Variants in PAX3 observed in about 807,000 individuals in gnomAD.
PAX3 encodes paired box protein Pax-3.
In PAX3, 14 loss-of-function variants were observed where a neutral mutation model predicts 51.6. That is an observed-to-expected ratio of 0.27 (90% confidence interval 0.18 to 0.42). The LOEUF is 0.42. PAX3 is among the 10% of genes least tolerant of loss of function. The pLI is 1.00. For missense variants in PAX3, 540 were observed against 642.8 expected (o/e 0.84, Z 1.73); for synonymous variants, 280 against 253.4 (o/e 1.11, Z -1.00).
intron 5 of PAX3, among the ~76,000 whole-genome samples, chr2:222,224,148 T>C (rs569107876): frequency 1.9e-4 from 29 of 152,342 alleles, no homozygotes; most frequent in East Asian, 1.9e-4. Flanking sequence ...ACAAAGACAT[T>C]GAGTAAACTC....
At chr2:222,257,869 G>A (rs1011125536) in intron 4 of PAX3, among the ~76,000 whole-genome samples, 2 of 152,146 alleles carry the variant, frequency 1.3e-5, no homozygotes, top group African/African-American at 2.4e-5. Context: ...GCATCGTCCC[G>A]GCTCAGGGAG....
intron 7 of PAX3, among the ~76,000 whole-genome samples, chr2:222,207,164 A>G (rs1175717868): frequency 6.6e-6 from 1 of 152,096 alleles, no homozygotes; most frequent in Admixed American, 6.6e-5. Context: ...TTTTTTGCCA[A>G]TGTGGGTGTT....
chr2:222,290,775 G>T (rs1695000774), intron 4 of PAX3, among the ~76,000 whole-genome samples: 1 of 152,150 alleles, frequency 6.6e-6, no homozygotes, highest in Non-Finnish European at 1.5e-5. Context: ...GCTGGAGGGG[G>T]AGAAGGAGGG....
At chr2:222,261,032 T>C (rs1023235102) in intron 4 of PAX3, among the ~76,000 whole-genome samples, 12 of 152,238 alleles carry the variant, frequency 7.9e-5, no homozygotes, top group African/African-American at 2.9e-4. Context: ...GTGAGTGCAG[T>C]CTCAATGGAG....
intron 7 of PAX3, among the ~76,000 whole-genome samples, chr2:222,219,912 C>A (rs577794175): frequency 1.3e-5 from 2 of 152,308 alleles, no homozygotes; most frequent in South Asian, 4.1e-4. Context: ...AACACAAAGT[C>A]TCCAAGATTA....
intron 4 of PAX3, among the ~76,000 whole-genome samples, chr2:222,254,052 G>A (rs188684030): frequency 9.3e-4 from 142 of 152,136 alleles, no homozygotes; most frequent in Middle Eastern, 3.4e-3. Context: ...GCAAAGCAGC[G>A]CACATAAAAA....
chr2:222,282,969 G>A (rs1694698847), intron 4 of PAX3, among the ~76,000 whole-genome samples: 2 of 152,180 alleles, frequency 1.3e-5, no homozygotes. Context: ...GTGCCCAAAG[G>A]CAAACACACT....
chr2:222,275,311 A>C (rs561108357), intron 4 of PAX3, among the ~76,000 whole-genome samples: 1 of 152,158 alleles, frequency 6.6e-6, no homozygotes, highest in Admixed American at 6.5e-5. Flanking sequence ...ATTTGCTTAC[A>C]TGTGTTTCCA....
intron 4 of PAX3, among the ~76,000 whole-genome samples, chr2:222,260,567 TTTTTTTTTTTG>T (rs1559292795): frequency 0.073 from 5,486 of 74,788 alleles, 246 homozygotes; most frequent in Non-Finnish European, 0.1. Context: ...TTTTTTTTGT[TTTTTTTTTTTG>T]TTTTTTTTTT....
At chr2:222,227,867 C>G (rs943286936) in intron 5 of PAX3, among the ~76,000 whole-genome samples, 1 of 152,020 alleles carries the variant, frequency 6.6e-6, no homozygotes, top group South Asian at 2.1e-4. Flanking sequence ...ATATAAAACA[C>G]TGACAGAGGC....
At chr2:222,279,162 T>C (rs1694540349) in intron 4 of PAX3, among the ~76,000 whole-genome samples, 1 of 152,152 alleles carries the variant, frequency 6.6e-6, no homozygotes, top group African/African-American at 2.4e-5. Context: ...CCGTGCTGGC[T>C]AGGCTGGTCT....
intron 4 of PAX3, among the ~76,000 whole-genome samples, chr2:222,277,102 C>T (rs749938798): frequency 3.9e-5 from 6 of 152,078 alleles, no homozygotes; most frequent in Non-Finnish European, 7.4e-5. Context: ...AGGGTAGATG[C>T]GGTTTTGTGG....
chr2:222,264,530 T>A (rs1693975146), intron 4 of PAX3: 2 of 152,244 alleles, frequency 1.3e-5, no homozygotes, highest in African/African-American at 4.8e-5. Context: ...TTTAAAACAG[T>A]TAATTTTGTG....
intron 4 of PAX3, among the ~76,000 whole-genome samples, chr2:222,254,101 G>GTT (rs61071392): frequency 3.0e-4 from 45 of 151,664 alleles, no homozygotes; most frequent in Admixed American, 7.9e-4. Flanking sequence ...CAAATGACAA[G>GTT]TTTTTTTTTA....
intron 4 of PAX3, among the ~76,000 whole-genome samples, chr2:222,238,218 G>A (rs13410020): frequency 0.11 from 16,973 of 152,166 alleles, 1,114 homozygotes; most frequent in Middle Eastern, 0.15. Flanking sequence ...TACCACCAGC[G>A]GGCTAACCAT....
chr2:222,246,750 C>G (rs1317374264), intron 4 of PAX3, among the ~76,000 whole-genome samples: 1 of 152,162 alleles, frequency 6.6e-6, no homozygotes, highest in East Asian at 1.9e-4. Context: ...AAATAAAACT[C>G]TTTCCTCCAG....
At chr2:222,233,929 C>T (rs1692703917) in intron 4 of PAX3, among the ~76,000 whole-genome samples, 1 of 152,174 alleles carries the variant, frequency 6.6e-6, no homozygotes, top group Admixed American at 6.5e-5. Flanking sequence ...GAAGGTGGTG[C>T]TAGAAGCAAT....
intron 4 of PAX3, among the ~76,000 whole-genome samples, chr2:222,265,646 A>AGAAGGAAGGAAGGAAGGAAGGAAG (rs71053065): frequency 0.04 from 4,326 of 109,096 alleles, 228 homozygotes; most frequent in South Asian, 0.072. Context: ...ATCAAAAAAA[A>AGAAGGAAGGAAGGAAGGAAGGAAG]GAAGGAAGGA....
chr2:222,256,228 G>A (rs1430660), intron 4 of PAX3, among the ~76,000 whole-genome samples: 17,614 of 151,984 alleles, frequency 0.12, 1,237 homozygotes, highest in East Asian at 0.32. Context: ...AGGTAAACTG[G>A]CCATAAGGCA....
Sources: gnomAD v4.1 joint callset for allele counts (sites outside exome capture counted in the v4.1 genomes callset) on GRCh38, gnomAD v4.1.1 for gene constraint, MANE v1.5 for transcripts, NCBI Gene and HGNC (gene_info 2026-07-23, HGNC 2026-07-21) for gene names.